RALYL: variants seen among roughly 807,000 people sequenced by gnomAD.
RALYL encodes RALY RNA binding protein like.
A neutral mutation model predicts 35.1 loss-of-function variants in RALYL; 29 were observed. The observed-to-expected ratio is 0.83, with a 90% CI of 0.61 to 1.13. RALYL has a LOEUF of 1.13. RALYL is among the 50% of genes most tolerant of loss of function. The pLI, the probability that RALYL is intolerant of heterozygous loss-of-function variation, is 0.00. For missense variants in RALYL, 359 were observed against 360.4 expected (o/e 1.00, Z 0.03); for synonymous variants, 120 against 127.6 (o/e 0.94, Z 0.40).
chr8:84,520,203 C>T (rs1014728067), intron 1 of RALYL, among the ~76,000 whole-genome samples: 1 of 152,070 alleles, frequency 6.6e-6, no homozygotes, highest in Non-Finnish European at 1.5e-5. Flanking sequence ...TCTTGATGAG[C>T]GGAAAGTTAT....
intron 1 of RALYL, among the ~76,000 whole-genome samples, chr8:84,449,873 C>T (rs1263003447): frequency 6.6e-6 from 1 of 151,890 alleles, no homozygotes; most frequent in Non-Finnish European, 1.5e-5. Context: ...TCACTTGCAT[C>T]ATTATTGCAT....
chr8:84,413,699 A>G (rs1249001279), intron 1 of RALYL, among the ~76,000 whole-genome samples: 6 of 152,122 alleles, frequency 3.9e-5, no homozygotes, highest in African/African-American at 1.4e-4. Context: ...GATTCACTCA[A>G]AGTAAAGGAT....
chr8:84,694,155 G>A (rs573820528), intron 2 of RALYL, among the ~76,000 whole-genome samples: 1 of 151,864 alleles, frequency 6.6e-6, no homozygotes, highest in Non-Finnish European at 1.5e-5. Context: ...AAATTGGAAA[G>A]GAAGGAGTTG....
chr8:84,255,605 C>T (rs1012595475), intron 1 of RALYL, among the ~76,000 whole-genome samples: 7 of 152,074 alleles, frequency 4.6e-5, no homozygotes, highest in African/African-American at 1.4e-4. Context: ...AAGAGTCTGA[C>T]ATTTTTTTTA....
chr8:84,281,846 C>T (rs1298218602), intron 1 of RALYL, among the ~76,000 whole-genome samples: 3 of 151,936 alleles, frequency 2.0e-5, no homozygotes, highest in East Asian at 1.9e-4. Flanking sequence ...CACATGCACA[C>T]ATACTCTTTC....
At chr8:84,206,507 G>T (rs537433408) in intron 1 of RALYL, among the ~76,000 whole-genome samples, 3 of 152,160 alleles carry the variant, frequency 2.0e-5, no homozygotes, top group Admixed American at 1.3e-4. Flanking sequence ...TATGATTAAG[G>T]ACTGAATTAG....
intron 2 of RALYL, among the ~76,000 whole-genome samples, chr8:84,642,466 C>G (rs1826579416): frequency 1.3e-5 from 2 of 151,944 alleles, no homozygotes; most frequent in South Asian, 4.2e-4. Flanking sequence ...TGAGTCTTAG[C>G]ACCAGCAGCT....
intron 2 of RALYL, among the ~76,000 whole-genome samples, chr8:84,657,048 A>C (rs1240648343): frequency 6.6e-6 from 1 of 152,176 alleles, no homozygotes; most frequent in East Asian, 1.9e-4. Context: ...GAGTATAAGA[A>C]ATTTCAGCTG....
chr8:84,296,251 G>A (rs886189735), intron 1 of RALYL, among the ~76,000 whole-genome samples: 9 of 152,020 alleles, frequency 5.9e-5, no homozygotes, highest in Non-Finnish European at 1.0e-4. Flanking sequence ...CCATAACTTG[G>A]CATCTGCTAC....
chr8:84,385,767 C>T (rs1166899250), intron 1 of RALYL, among the ~76,000 whole-genome samples: 2 of 151,868 alleles, frequency 1.3e-5, no homozygotes, highest in Non-Finnish European at 2.9e-5. Context: ...ATGTTATGCA[C>T]AATTCAGGCA....
At chr8:84,444,894 G>A (rs937211494) in intron 1 of RALYL, among the ~76,000 whole-genome samples, 1 of 152,060 alleles carries the variant, frequency 6.6e-6, no homozygotes, top group East Asian at 1.9e-4. Context: ...AATGGCTGAT[G>A]TATGCTATTC....
chr8:84,785,803 A>G (rs1391917252), intron 3 of RALYL, among the ~76,000 whole-genome samples: 3 of 152,188 alleles, frequency 2.0e-5, no homozygotes, highest in Non-Finnish European at 4.4e-5. Context: ...TAATGACATG[A>G]AAAAACTTAG....
At position 84,425,394 on chromosome 8, in the gene RALYL, C is replaced by G. The variant is rs13279202; in HGVS notation, c.-23-103905C>G. ...GCGCTTCCCAGGTGAGGCAATGCCT[C>G]GCCCTGCTTCGGCTCGCGCACGGTG... is the stretch of plus-strand genomic sequence containing the variant. On this transcript the variant is annotated intron_variant, in intron 1 of 8. Transcript: ENST00000521268. 2.6e-5 allele frequency among the ~76,000 whole-genome samples: 4 copies of G among 152,286 alleles called. No homozygotes were observed. In the South Asian group the frequency reaches 6.2e-4, roughly 24 times the overall value.
At chr8:84,660,274 TA>T (rs1340664122) in intron 2 of RALYL, among the ~76,000 whole-genome samples, 1 of 152,070 alleles carries the variant, frequency 6.6e-6, no homozygotes, top group East Asian at 1.9e-4. Flanking sequence ...ATTACTTTTT[TA>T]TTTCTCTTTT....
chr8:84,350,156 C>T (rs937420205), intron 1 of RALYL, among the ~76,000 whole-genome samples: 3 of 150,524 alleles, frequency 2.0e-5, no homozygotes, highest in South Asian at 2.1e-4. Context: ...AATGGCTTTT[C>T]GTAAGACACT....
At chr8:84,898,770 C>T (rs17799205) in intron 8 of RALYL, among the ~76,000 whole-genome samples, 6,292 of 152,192 alleles carry the variant, frequency 0.041, 217 homozygotes, top group South Asian at 0.16. Flanking sequence ...AATGTCATTC[C>T]GTACCTGATC....
intron 1 of RALYL, among the ~76,000 whole-genome samples, chr8:84,469,387 T>C (rs1190366620): frequency 2.6e-5 from 4 of 152,064 alleles, no homozygotes; most frequent in African/African-American, 4.8e-5. Flanking sequence ...TGCAGGTCTG[T>C]TGGAGTACCC....
intron 1 of RALYL, among the ~76,000 whole-genome samples, chr8:84,302,636 A>G (rs1460946937): frequency 6.6e-6 from 1 of 152,176 alleles, no homozygotes; most frequent in African/African-American, 2.4e-5. Context: ...GTGGAAAGCC[A>G]TTTACGGGTT....
At chr8:84,314,477 G>C (rs1265536143) in intron 1 of RALYL, among the ~76,000 whole-genome samples, 2 of 151,716 alleles carry the variant, frequency 1.3e-5, no homozygotes, top group Admixed American at 1.3e-4. Context: ...AAAAATATGT[G>C]TATTATATAT....
Sources: gnomAD v4.1 joint callset for allele counts (sites outside exome capture counted in the v4.1 genomes callset) on GRCh38, gnomAD v4.1.1 for gene constraint, MANE v1.5 for transcripts, NCBI Gene and HGNC (gene_info 2026-07-23, HGNC 2026-07-21) for gene names.